Variants in NOL4 observed in about 807,000 individuals in gnomAD.
The protein encoded by NOL4 is cancer/testis antigen 125.
A neutral mutation model predicts 75.9 loss-of-function variants in NOL4; 17 were observed. The ratio of observed to expected loss-of-function variants is 0.22; its 90% confidence interval spans 0.15 to 0.34. NOL4 has a LOEUF of 0.34. Among genes scored for constraint, NOL4 ranks in the 10% least tolerant of loss-of-function variants. The pLI is 1.00. For missense variants in NOL4, 614 were observed against 793.5 expected, an observed-to-expected ratio of 0.77 and a Z score of 2.72; for synonymous variants, 292 against 289.9, an observed-to-expected ratio of 1.01 and a Z score of -0.07.
At chr18:33,865,682 A>G (rs1031578897) in intron 10 of NOL4, among the ~76,000 whole-genome samples, 1 of 152,128 alleles carries the variant, frequency 6.6e-6, no homozygotes, top group Non-Finnish European at 1.5e-5. Context: ...CCATCTTCAG[A>G]TAACTTACCC....
intron 2 of NOL4, 105 bp downstream of exon 2, chr18:34,129,766 T>C: frequency 9.0e-7 from 1 of 1,116,396 alleles, no homozygotes; most frequent in Non-Finnish European, 1.2e-6. Flanking sequence ...ATGGCCTAAT[T>C]TATGTTGAAG....
At chr18:34,063,788 G>A (rs969494903) in intron 5 of NOL4, among the ~76,000 whole-genome samples, 4 of 151,778 alleles carry the variant, frequency 2.6e-5, no homozygotes, top group African/African-American at 9.7e-5. Context: ...TTTGTTATAT[G>A]ATAATAATTA....
At chr18:34,104,303 A>G (rs1458703030) in intron 3 of NOL4, 144 bp from the exon 4 acceptor site, 5 of 572,998 alleles carry the variant, frequency 8.7e-6, no homozygotes, top group South Asian at 4.1e-5. Flanking sequence ...GGACGGTAGA[A>G]AAAACAACTA....
intron 1 of NOL4, among the ~76,000 whole-genome samples, chr18:34,154,990 G>A (rs569340323): frequency 1.1e-4 from 16 of 151,868 alleles, no homozygotes; most frequent in Admixed American, 3.9e-4. Flanking sequence ...TTATTGGCTG[G>A]TCTCCCTTTT....
At chr18:34,087,754 T>G (rs1393005068) in intron 5 of NOL4, among the ~76,000 whole-genome samples, 1 of 152,024 alleles carries the variant, frequency 6.6e-6, no homozygotes, top group Non-Finnish European at 1.5e-5. Flanking sequence ...TTGCCTTTTT[T>G]TTTGACTACC....
chr18:34,083,690 A>G (rs4419127), intron 5 of NOL4, among the ~76,000 whole-genome samples: 44,329 of 152,046 alleles, frequency 0.29, 7,697 homozygotes, highest in East Asian at 0.45. Flanking sequence ...GCTAGTGTCA[A>G]TATTTATGGC....
chr18:33,925,632 G>A (rs1157376028), intron 9 of NOL4, among the ~76,000 whole-genome samples: 2 of 152,174 alleles, frequency 1.3e-5, no homozygotes, highest in Non-Finnish European at 2.9e-5. Flanking sequence ...ATGAATGTAT[G>A]ATGACATTAA....
In NOL4 at chr18:34,140,877, G is replaced by A. The variant is rs150438927; in HGVS notation, c.265-10857C>T. Among the ~76,000 whole-genome samples, 796 of 152,072 alleles carry A rather than the reference G, an allele frequency of 5.2e-3. 6 individuals are homozygous for A. Among genetic ancestry groups the A allele is most frequent in the African/African-American group, 0.018 (751 of 41,476 alleles). On this transcript the variant is annotated intron_variant, in intron 1 of 10. Transcript: ENST00000261592. ...GGAGCTCTTGTAGGGCAGGCCTCAT[G>A]GTGACAAAATCTCTCAGCATTTGCT... is the stretch of plus-strand genomic sequence containing the variant.
intron 9 of NOL4, among the ~76,000 whole-genome samples, chr18:33,914,535 C>T (rs2066599331): frequency 6.6e-6 from 1 of 151,904 alleles, no homozygotes; most frequent in South Asian, 2.1e-4. Context: ...AAACAACAGA[C>T]TAAATGAGGG....
intron 1 of NOL4, among the ~76,000 whole-genome samples, chr18:34,172,097 A>G (rs1467531936): frequency 2.0e-5 from 3 of 152,140 alleles, no homozygotes; most frequent in African/African-American, 7.2e-5. Flanking sequence ...TGAAGAACAG[A>G]AGTCCTGGTT....
intron 6 of NOL4, among the ~76,000 whole-genome samples, chr18:33,980,674 A>G (rs1052432129): frequency 2.6e-5 from 4 of 151,988 alleles, no homozygotes; most frequent in Non-Finnish European, 5.9e-5. Context: ...ACTAAAGACT[A>G]AGACCTAATC....
intron 10 of NOL4, among the ~76,000 whole-genome samples, chr18:33,861,843 C>A (rs1234973298): frequency 6.6e-6 from 1 of 151,978 alleles, no homozygotes; most frequent in Non-Finnish European, 1.5e-5. Flanking sequence ...GGCCATACTG[C>A]CCAAGGTAAT....
intron 9 of NOL4, among the ~76,000 whole-genome samples, chr18:33,932,875 A>G (rs2067795189): frequency 6.6e-6 from 1 of 152,126 alleles, no homozygotes; most frequent in Non-Finnish European, 1.5e-5. Context: ...AACACTTCAC[A>G]TAGTCCCACA....
intron 9 of NOL4, among the ~76,000 whole-genome samples, chr18:33,910,752 C>T (rs1195030673): frequency 6.6e-6 from 1 of 152,202 alleles, no homozygotes; most frequent in East Asian, 1.9e-4. Flanking sequence ...AGTATTAAAA[C>T]TCATTTTGGG....
chr18:34,051,318 CAG>C (rs2076615685), intron 5 of NOL4, among the ~76,000 whole-genome samples: 1 of 151,836 alleles, frequency 6.6e-6, no homozygotes. Flanking sequence ...CTAAATGTGT[CAG>C]AAGAAAAATG....
chr18:33,982,220 C>T (rs531417338), intron 6 of NOL4, among the ~76,000 whole-genome samples: 4 of 151,954 alleles, frequency 2.6e-5, no homozygotes, highest in Non-Finnish European at 4.4e-5. Context: ...ATTAATAATC[C>T]CTCCGAATGT....
chr18:34,059,156 T>TATATATATATAC (rs1451618343), intron 5 of NOL4, among the ~76,000 whole-genome samples: 1 of 132,854 alleles, frequency 7.5e-6, no homozygotes, highest in East Asian at 2.1e-4. Context: ...TATATATATA[T>TATATATATATAC]ACACATGCTT....
chr18:34,108,623 A>C (rs770015149), intron 2 of NOL4, among the ~76,000 whole-genome samples: 3 of 152,196 alleles, frequency 2.0e-5, no homozygotes, highest in Non-Finnish European at 4.4e-5. Flanking sequence ...ATAATGATAA[A>C]GTCAATTCAT....
chr18:33,990,318 C>T (rs1457671539), intron 6 of NOL4, among the ~76,000 whole-genome samples: 2 of 152,048 alleles, frequency 1.3e-5, no homozygotes, highest in Admixed American at 6.6e-5. Context: ...TCCTATTATG[C>T]TGTATATCTT....
Sources: allele counts gnomAD v4.1 joint callset (sites outside exome capture counted in the v4.1 genomes callset), GRCh38; gene constraint gnomAD v4.1.1; transcripts MANE v1.5; gene names NCBI Gene and HGNC (gene_info 2026-07-23, HGNC 2026-07-21).